The following ERC1 variants were observed in gnomAD, a reference collection of about 807,000 sequenced individuals.
ERC1 encodes the protein ELKS/RAB6-interacting/CAST family member 1, also known as RAB6 interacting protein 2.
Under a neutral mutation model 132.0 loss-of-function variants are expected in ERC1, and 56 were observed. The observed-to-expected ratio is 0.42, with a 90% CI of 0.34 to 0.53. ERC1 has a LOEUF of 0.53. ERC1 is among the 20% of genes least tolerant of loss of function. ERC1 has a pLI of 0.03. For synonymous variants in ERC1, 478 were observed against 476.1 expected (o/e 1.00, Z -0.05); for missense variants, 1,202 against 1,349.9 (o/e 0.89, Z 1.72).
chr12:1,400,266 T>A (rs1232392566), intron 16 of ERC1, among the ~76,000 whole-genome samples: 1 of 152,240 alleles, frequency 6.6e-6, no homozygotes, highest in Non-Finnish European at 1.5e-5. Flanking sequence ...TTGCTCATTT[T>A]TAATTGGGGT....
At chr12:1,026,408 C>T (rs1036813520) in intron 1 of ERC1, among the ~76,000 whole-genome samples, 1 of 152,146 alleles carries the variant, frequency 6.6e-6, no homozygotes, top group Non-Finnish European at 1.5e-5. Flanking sequence ...TGTTTGGAAA[C>T]GTTACTTTTA....
intron 17 of ERC1, among the ~76,000 whole-genome samples, chr12:1,433,949 A>G (rs2092876771): frequency 6.8e-6 from 1 of 147,932 alleles, no homozygotes; most frequent in African/African-American, 2.5e-5. Context: ...ACTGCACTCC[A>G]GCCTAGGCGA....
chr12:1,324,990 T>G (rs1464991159), intron 15 of ERC1, among the ~76,000 whole-genome samples: 1 of 152,156 alleles, frequency 6.6e-6, no homozygotes, highest in Admixed American at 6.5e-5. Context: ...TTACTGGAAG[T>G]GTGTTAAACA....
chr12:1,179,915 G>C (rs1954215164), intron 8 of ERC1, among the ~76,000 whole-genome samples: 2 of 152,210 alleles, frequency 1.3e-5, no homozygotes, highest in Non-Finnish European at 2.9e-5. Flanking sequence ...CCACAAAAAT[G>C]TTTGCTGCTT....
At chr12:1,243,411 G>C (rs961113419) in intron 13 of ERC1, among the ~76,000 whole-genome samples, 1 of 151,918 alleles carries the variant, frequency 6.6e-6, no homozygotes, top group Non-Finnish European at 1.5e-5. Context: ...GAGGTGCTAT[G>C]TAGGGATGTA....
chr12:1,156,436 A>C (rs577050268), intron 8 of ERC1, among the ~76,000 whole-genome samples: 1 of 151,814 alleles, frequency 6.6e-6, no homozygotes, highest in Non-Finnish European at 1.5e-5. Context: ...AGAGGATTTT[A>C]CCATGTTGGC....
chr12:1,253,009 C>T (rs1420939003), intron 13 of ERC1, among the ~76,000 whole-genome samples: 1 of 152,118 alleles, frequency 6.6e-6, no homozygotes, highest in Non-Finnish European at 1.5e-5. Flanking sequence ...TAACAGTTAA[C>T]ATTAATATCT....
chr12:1,352,088 A>C (rs7954162), intron 15 of ERC1, among the ~76,000 whole-genome samples: 65,925 of 151,890 alleles, frequency 0.43, 14,853 homozygotes, highest in African/African-American at 0.53. Context: ...CAGAGTTTCA[A>C]GAGTCACCAG....
intron 2 of ERC1, among the ~76,000 whole-genome samples, chr12:1,038,294 C>T (rs1397904949): frequency 6.6e-6 from 1 of 152,016 alleles, no homozygotes; most frequent in Admixed American, 6.6e-5. Flanking sequence ...TTTCTCCCTC[C>T]CCATCTCCTT....
chr12:1,046,492 G>A (rs1320594315), intron 2 of ERC1, among the ~76,000 whole-genome samples: 1 of 152,186 alleles, frequency 6.6e-6, no homozygotes, highest in African/African-American at 2.4e-5. Context: ...TTGGGACACA[G>A]CTATGTTTAT....
At chr12:1,266,917 A>G (rs1566434619) in intron 14 of ERC1, among the ~76,000 whole-genome samples, 1 of 152,362 alleles carries the variant, frequency 6.6e-6, no homozygotes, top group African/African-American at 2.4e-5. Context: ...TAGGATATCT[A>G]CATCTCTTAA....
chr12:1,241,864 T>TA (rs1241575251), intron 13 of ERC1, among the ~76,000 whole-genome samples: 1 of 140,228 alleles, frequency 7.1e-6, no homozygotes, highest in East Asian at 2.0e-4. Flanking sequence ...TTTTTTTTTT[T>TA]TTTTTTTTTT....
intron 15 of ERC1, among the ~76,000 whole-genome samples, chr12:1,323,890 C>T (rs2082277147): frequency 6.6e-6 from 1 of 152,182 alleles, no homozygotes; most frequent in East Asian, 1.9e-4. Flanking sequence ...CCAACATCTT[C>T]ACCCGTTTTA....
At chr12:1,446,450 C>G (rs190578435) in intron 18 of ERC1, among the ~76,000 whole-genome samples, 1 of 152,168 alleles carries the variant, frequency 6.6e-6, no homozygotes, top group Non-Finnish European at 1.5e-5. Context: ...TTCAATCATA[C>G]CAACAGAAGG....
chr12:1,144,488 G>A (rs558035523), intron 8 of ERC1, among the ~76,000 whole-genome samples: 3 of 152,044 alleles, frequency 2.0e-5, no homozygotes, highest in Admixed American at 2.0e-4. Flanking sequence ...ACTTGTAAGT[G>A]AGAACATGCA....
At chr12:1,058,370 G>A (rs543761198) in intron 2 of ERC1, among the ~76,000 whole-genome samples, 1 of 152,204 alleles carries the variant, frequency 6.6e-6, no homozygotes, top group Admixed American at 6.5e-5. Flanking sequence ...TGACTATTGC[G>A]TTTGGTAAAA....
intron 15 of ERC1, among the ~76,000 whole-genome samples, chr12:1,331,258 A>G (rs1369736150): frequency 6.6e-6 from 1 of 152,236 alleles, no homozygotes; most frequent in African/African-American, 2.4e-5. Flanking sequence ...GGAGTTATCA[A>G]ATAAGTACTC....
intron 15 of ERC1, among the ~76,000 whole-genome samples, chr12:1,297,282 C>G (rs2080028735): frequency 1.3e-5 from 2 of 151,240 alleles, no homozygotes; most frequent in South Asian, 4.2e-4. Context: ...AAGACAATTT[C>G]ATATAAACAA....
At chr12:1,165,623 G>A (rs551128331) in intron 8 of ERC1, among the ~76,000 whole-genome samples, 20 of 152,250 alleles carry the variant, frequency 1.3e-4, no homozygotes, top group African/African-American at 3.1e-4. Context: ...ATGAGCCACC[G>A]CGCCTGGCGA....
Sources: allele counts gnomAD v4.1 joint callset (sites outside exome capture counted in the v4.1 genomes callset), GRCh38; gene constraint gnomAD v4.1.1; transcripts MANE v1.5; gene names NCBI Gene and HGNC (gene_info 2026-07-23, HGNC 2026-07-21).